ADCY1: variants seen among roughly 807,000 people sequenced by gnomAD.
ADCY1 encodes adenylate cyclase 1.
A neutral mutation model predicts 105.4 loss-of-function variants in ADCY1; 28 were observed. The observed-to-expected ratio is 0.27, with a 90% CI of 0.20 to 0.36. The LOEUF (loss-of-function observed/expected upper bound fraction) is 0.36, where lower values mean the gene tolerates loss of function less well. ADCY1 is among the 10% of genes least tolerant of loss of function. The probability of loss-of-function intolerance (pLI) is 1.00; values close to 1 mark genes in which losing one functional copy is unlikely to be tolerated. For missense variants in ADCY1, 977 were observed against 1,434.2 expected (o/e 0.68, Z 5.15); for synonymous variants, 655 against 623.8 (o/e 1.05, Z -0.75).
chr7:45,594,444 A>G (rs1206443505), intron 2 of ADCY1, among the ~76,000 whole-genome samples: 7 of 152,028 alleles, frequency 4.6e-5, no homozygotes, highest in African/African-American at 1.7e-4. Flanking sequence ...CCTTAACTAC[A>G]TCCTCTGTAG....
intron 2 of ADCY1, among the ~76,000 whole-genome samples, chr7:45,596,351 G>A (rs1179543185): frequency 6.6e-6 from 1 of 151,718 alleles, no homozygotes; most frequent in Non-Finnish European, 1.5e-5. Flanking sequence ...GTTCTGAGAG[G>A]GGATATGGGG....
At chr7:45,605,012 T>C (rs1342507829) in intron 2 of ADCY1, among the ~76,000 whole-genome samples, 1 of 152,202 alleles carries the variant, frequency 6.6e-6, no homozygotes, top group Non-Finnish European at 1.5e-5. Context: ...CAGTCTTTTA[T>C]GGTTTTTAAC....
chr7:45,612,084 T>C (rs1793608157), intron 3 of ADCY1, among the ~76,000 whole-genome samples: 2 of 152,238 alleles, frequency 1.3e-5, no homozygotes, highest in Non-Finnish European at 1.5e-5. Context: ...GTCACTGTTC[T>C]GAGCACACGT....
At chr7:45,597,931 T>C (rs572058084) in intron 2 of ADCY1, among the ~76,000 whole-genome samples, 1 of 152,182 alleles carries the variant, frequency 6.6e-6, no homozygotes, top group Non-Finnish European at 1.5e-5. Flanking sequence ...TTTGGGGGGA[T>C]TTGAATGAGC....
Position 45,708,898 on chromosome 7 carries a change from T to C in ADCY1, c.2932+434T>C, listed in dbSNP as rs1720742105. 6.6e-6 allele frequency among the ~76,000 whole-genome samples: 1 copy of C among 152,156 alleles called. No individual in the cohort carries two copies. The highest frequency in any genetic ancestry group is 2.1e-4 in the South Asian group (1 of 4,826). ...TCTTCTCCAGGCTCCTTCCCTCACC[T>C]GTGTCGTGAGGAGGAAAAACCATTG... On this transcript the variant is annotated intron_variant, in intron 18 of 19. Coordinates refer to ENST00000297323, the MANE Select transcript of ADCY1 (RefSeq NM_021116.4). The surrounding 1 kb of genome is among the most constrained non-coding windows in gnomAD (Gnocchi z 4.7).
At chr7:45,648,275 C>T (rs953073748) in intron 4 of ADCY1, among the ~76,000 whole-genome samples, 8 of 152,156 alleles carry the variant, frequency 5.3e-5, no homozygotes, top group East Asian at 1.9e-4. Context: ...GAGGGCTGTC[C>T]GTGATGGTCT....
chr7:45,688,735 T>C (rs1784734899), intron 14 of ADCY1, among the ~76,000 whole-genome samples: 3 of 152,122 alleles, frequency 2.0e-5, no homozygotes, highest in African/African-American at 7.2e-5. Context: ...CTTCACTGTA[T>C]AATAGCTTTA....
chr7:45,615,911 G>C (rs1793726662), intron 3 of ADCY1, among the ~76,000 whole-genome samples: 1 of 151,984 alleles, frequency 6.6e-6, no homozygotes. Context: ...AAAACCAAGA[G>C]TTGCTTTGTG....
At chr7:45,596,971 A>G (rs539512995) in intron 2 of ADCY1, among the ~76,000 whole-genome samples, 1 of 152,316 alleles carries the variant, frequency 6.6e-6, no homozygotes, top group Admixed American at 6.5e-5. Context: ...GGATGAATGC[A>G]TAACTCAGAG....
intron 8 of ADCY1, among the ~76,000 whole-genome samples, chr7:45,667,004 G>A (rs1784274993): frequency 6.6e-6 from 1 of 152,170 alleles, no homozygotes; most frequent in South Asian, 2.1e-4. Context: ...ATTTATTTGA[G>A]TTCTTTGTAG....
intron 19 of ADCY1, among the ~76,000 whole-genome samples, chr7:45,711,630 T>G (rs1785234159): frequency 1.7e-5 from 1 of 59,954 alleles, no homozygotes; most frequent in Non-Finnish European, 4.1e-5. Context: ...TATATATATA[T>G]ATATATATAT....
intron 5 of ADCY1, among the ~76,000 whole-genome samples, chr7:45,653,782 T>C (rs986201764): frequency 1.3e-5 from 2 of 152,158 alleles, no homozygotes; most frequent in African/African-American, 2.4e-5. Flanking sequence ...GCTCTGCTGC[T>C]CTCCCAGAGT....
At position 45,684,983 on chromosome 7, in the gene ADCY1, T is replaced by C. The variant is rs377556975; in HGVS notation, c.1988T>C (p.Phe663Ser). ...LYLHITRVQC[F>S]PGCLTIQIRT... ...AAATTAACATTTCTTATTCAGTGTT[T>C]TCCAGGGTGCCTGACGATTCAGATT... The change falls in exon 12 of 20, where the codon TTT becomes TCT. Residue 663 changes from phenylalanine (F) to serine (S), a missense_variant. Coordinates refer to ENST00000297323, the MANE Select transcript of ADCY1 (RefSeq NM_021116.4). 37 of 1,613,942 alleles carry C rather than the reference T, an allele frequency of 2.3e-5. No homozygotes were observed. The highest frequency in any genetic ancestry group is 3.1e-5 in the Non-Finnish European group (37 of 1,179,760).
At chr7:45,660,476 A>C (rs1795064605) in intron 7 of ADCY1, among the ~76,000 whole-genome samples, 1 of 152,214 alleles carries the variant, frequency 6.6e-6, no homozygotes, top group Non-Finnish European at 1.5e-5. Context: ...CCTCCCCTGC[A>C]AAGTGGGCAT....
chr7:45,714,104 C>T lies in ADCY1; in HGVS notation c.*109C>T. 1 of 618,304 alleles carries T rather than the reference C, an allele frequency of 1.6e-6. No individual in the cohort carries two copies. The highest frequency in any genetic ancestry group is 2.9e-6 in the Non-Finnish European group (1 of 344,828). The allele number at this position is 618,304 out of a possible 1,614,324, so 38.3% of individuals were successfully genotyped here. A position where few individuals can be genotyped will look rare whatever the true frequency, so the allele number is the denominator to read the frequency against. ...CAGCCAGACCAGCAGAGCAGGGAGC[C>T]ACTTGCCAGGGTGGAGGAGGAGCAT... On this transcript the variant is annotated 3_prime_UTR_variant, in exon 20 of 20. Transcript: ENST00000297323.
At chr7:45,589,914 A>C (rs1792858061) in intron 1 of ADCY1, among the ~76,000 whole-genome samples, 1 of 152,044 alleles carries the variant, frequency 6.6e-6, no homozygotes, top group Non-Finnish European at 1.5e-5. Flanking sequence ...CACTGGTGAC[A>C]GTGCCCTTCA....
At chr7:45,635,609 T>TG (rs1794381736) in intron 4 of ADCY1, among the ~76,000 whole-genome samples, 1 of 132,790 alleles carries the variant, frequency 7.5e-6, no homozygotes, top group Non-Finnish European at 1.7e-5. Flanking sequence ...TTGTTTTTTT[T>TG]TTTTTTTTTT....
chr7:45,720,861 T>C lies in ADCY1; in HGVS notation c.*6866T>C, dbSNP rs1194648532. On this transcript the variant is annotated 3_prime_UTR_variant, in exon 20 of 20. Transcript: ENST00000297323. ...TGTGTGCTTCACCTCACTCTCTACT[T>C]CAAACAGCCCATGGAGGGAGGTATT... 6.6e-6 allele frequency: 1 copy of C among 152,252 alleles called. No homozygotes were observed. The highest frequency in any genetic ancestry group is 1.9e-4 in the East Asian group (1 of 5,186). The allele number at this position is 152,252 out of a possible 1,614,324, so 9.4% of individuals were successfully genotyped here. A position where few individuals can be genotyped will look rare whatever the true frequency, so the allele number is the denominator to read the frequency against.
intron 3 of ADCY1, among the ~76,000 whole-genome samples, chr7:45,621,848 T>G (rs1026222492): frequency 3.9e-5 from 6 of 152,254 alleles, no homozygotes; most frequent in African/African-American, 1.4e-4. Flanking sequence ...TGTGGAGAGA[T>G]ATCTTAAAGC....
Sources: allele counts gnomAD v4.1 joint callset (sites outside exome capture counted in the v4.1 genomes callset), GRCh38; gene constraint gnomAD v4.1.1; non-coding constraint Gnocchi (gnomAD v3.1); transcripts MANE v1.5; gene names NCBI Gene and HGNC (gene_info 2026-07-23, HGNC 2026-07-21).